SFXN5: variants seen among roughly 807,000 people sequenced by gnomAD.
SFXN5 encodes the protein sideroflexin-5.
In SFXN5, 43 loss-of-function variants were observed where a neutral mutation model predicts 50.2. That is an observed-to-expected ratio of 0.86 (90% CI 0.67 to 1.11). The LOEUF (loss-of-function observed/expected upper bound fraction) is 1.11. Among genes scored for constraint, SFXN5 ranks in the 50% least tolerant of loss-of-function variants. The probability of loss-of-function intolerance (pLI) is 0.00; values close to 1 mark genes in which losing one functional copy is unlikely to be tolerated. For synonymous variants in SFXN5, 203 were observed against 185.8 expected, an observed-to-expected ratio of 1.09 and a Z score of -0.75; for missense variants, 463 against 454.1, an observed-to-expected ratio of 1.02 and a Z score of -0.18.
At chr2:72,994,984 TG>T (rs1673041240) in intron 9 of SFXN5, 3 of 152,294 alleles carry the variant, frequency 2.0e-5, no homozygotes, top group Non-Finnish European at 2.9e-5. Flanking sequence ...GTCAGCCCTG[TG>T]TGAAGTAGGG....
chr2:73,050,972 C>CCA (rs1559206354), intron 2 of SFXN5, among the ~76,000 whole-genome samples: 1 of 152,248 alleles, frequency 6.6e-6, no homozygotes, highest in African/African-American at 2.4e-5. Flanking sequence ...GAGATTTCTG[C>CCA]CACATACCCT....
chr2:73,019,431 CTTTTTTTTT>C (rs747092987), intron 6 of SFXN5: 1 of 123,484 alleles, frequency 8.1e-6, no homozygotes, highest in Non-Finnish European at 1.7e-5. Flanking sequence ...TTTTTTTTTT[CTTTTTTTTT>C]TTTTTTGAGA....
At chr2:72,956,046 G>A (rs768197733) in intron 13 of SFXN5, among the ~76,000 whole-genome samples, 2 of 152,212 alleles carry the variant, frequency 1.3e-5, no homozygotes, top group African/African-American at 2.4e-5. Context: ...GGGGTCCTAC[G>A]TGGCCATCCT....
intron 10 of SFXN5, among the ~76,000 whole-genome samples, chr2:72,984,438 C>T (rs1224752121): frequency 6.6e-6 from 1 of 152,258 alleles, no homozygotes; most frequent in African/African-American, 2.4e-5. Context: ...GCCTCCAGGC[C>T]ACACTGCTCA....
intron 1 of SFXN5, chr2:73,070,436 GAAAAA>G (rs1161712706): frequency 6.7e-6 from 1 of 150,046 alleles, no homozygotes; most frequent in Non-Finnish European, 1.5e-5. Flanking sequence ...AACAAAAAAA[GAAAAA>G]AAAAGCCACC....
intron 9 of SFXN5, chr2:72,997,904 T>G (rs924395399): frequency 6.6e-6 from 1 of 152,112 alleles, no homozygotes; most frequent in African/African-American, 2.4e-5. Flanking sequence ...TTTGTTTTTT[T>G]AAATGGGGTC....
intron 9 of SFXN5, among the ~76,000 whole-genome samples, chr2:72,993,808 C>T (rs1350326373): frequency 6.6e-6 from 1 of 152,210 alleles, no homozygotes; most frequent in Non-Finnish European, 1.5e-5. Flanking sequence ...CCCTCCACCA[C>T]AGAGCCAGCC....
At chr2:73,039,333 G>A (rs1679329999) in intron 3 of SFXN5, among the ~76,000 whole-genome samples, 1 of 152,226 alleles carries the variant, frequency 6.6e-6, no homozygotes, top group African/African-American at 2.4e-5. Flanking sequence ...AGGGTACAGT[G>A]AGAGTGAGAG....
intron 1 of SFXN5, among the ~76,000 whole-genome samples, chr2:73,061,216 G>A (rs925732729): frequency 6.6e-6 from 1 of 151,340 alleles, no homozygotes; most frequent in African/African-American, 2.4e-5. Flanking sequence ...GCTGAAGCAG[G>A]AGAATCGCTT....
chr2:73,056,382 C>CA (rs35625459), intron 2 of SFXN5, among the ~76,000 whole-genome samples: 10,833 of 142,034 alleles, frequency 0.076, 438 homozygotes, highest in East Asian at 0.14. Flanking sequence ...GACTCTGTCT[C>CA]AAAAAAAAAA....
chr2:72,998,462 G>A lies in SFXN5; in HGVS notation c.534+487C>T, dbSNP rs144123881. 716 of 158,640 alleles carry A rather than the reference G, an allele frequency of 4.5e-3. 3 individuals are homozygous for A. Among genetic ancestry groups the A allele is most frequent in the Non-Finnish European group, 7.3e-3 (523 of 71,784 alleles). 9.8% of individuals were successfully genotyped at this position (158,640 alleles called of 1,614,324 possible). On this transcript the variant is annotated intron_variant, in intron 9 of 13. Transcript: ENST00000272433. ...GAGTGAGCCTAACGCCCCTGGCTTC[G>A]GGCACTGACAGGTCTTCAGGAAGAG...
intron 9 of SFXN5, among the ~76,000 whole-genome samples, chr2:72,993,773 G>A (rs1214566486): frequency 6.6e-6 from 1 of 152,160 alleles, no homozygotes; most frequent in African/African-American, 2.4e-5. Flanking sequence ...CCAGCCTGGA[G>A]AAGAACAGAA....
rs952731051 is a variant in SFXN5, at chr2:73,023,203, T to G, written c.261A>C (p.Ala87=). ...ACTGGATTACCTGCTTGATTTTCTG[T>G]GCACTCCAGAGCTGGAAGAGAGATA... The part of the protein sequence containing the change: ...PGVTNEQLWS[A]QKIKQAILHP... The change falls in exon 4 of 14, where the codon GCA becomes GCC. Residue 87 remains alanine, a synonymous_variant. Coordinates refer to ENST00000272433, the MANE Select transcript of SFXN5 (RefSeq NM_144579.3). 6.2e-7 allele frequency: 1 copy of G among 1,603,826 alleles called. No individual in the cohort carries two copies. The highest frequency in any genetic ancestry group is 1.7e-5 in the Admixed American group (1 of 59,078).
At position 72,946,826 on chromosome 2, in the gene SFXN5, T is replaced by C. The variant is rs75952405; in HGVS notation, c.946-1727A>G. 5.3e-5 allele frequency among the ~76,000 whole-genome samples: 8 copies of C among 152,240 alleles called. No individual in the cohort carries two copies. The East Asian group carries it at 1.4e-3, about 26-fold the overall frequency. ...TAAACTGCAAGTCTTCCCATGCCTC[T>C]CTTCACTGTGAAATGGCTCCATGGC... On this transcript the variant is annotated intron_variant, in intron 13 of 13. Coordinates refer to ENST00000272433, the MANE Select transcript of SFXN5 (RefSeq NM_144579.3).
chr2:72,982,924 C>T (rs1039061847), intron 10 of SFXN5, among the ~76,000 whole-genome samples: 2 of 152,242 alleles, frequency 1.3e-5, no homozygotes, highest in Non-Finnish European at 2.9e-5. Context: ...TCATGGCATC[C>T]AGAGGTGCCT....
At position 72,960,541 on chromosome 2, in the gene SFXN5, G is replaced by A. The variant is rs951351381; in HGVS notation, c.945+590C>T. 4.6e-5 allele frequency among the ~76,000 whole-genome samples: 7 copies of A among 152,014 alleles called. No individual in the cohort carries two copies. The highest frequency in any genetic ancestry group is 3.4e-3 in the Middle Eastern group (1 of 294). ...CTGGAGCTCTAACCCAGCCCCACGC[G>A]GCAGCACAGGGGCCGCTCAGAATCA... is the stretch of plus-strand genomic sequence containing the variant. On this transcript the variant is annotated intron_variant, in intron 13 of 13. Coordinates refer to ENST00000272433, the MANE Select transcript of SFXN5 (RefSeq NM_144579.3). The surrounding 1 kb of genome is among the most constrained non-coding windows in gnomAD (Gnocchi z 6.1).
At chr2:73,066,803 C>G (rs1380349087) in intron 1 of SFXN5, among the ~76,000 whole-genome samples, 1 of 151,816 alleles carries the variant, frequency 6.6e-6, no homozygotes, top group African/African-American at 2.4e-5. Flanking sequence ...GGGTTTGATA[C>G]CAGCCTCAGC....
chr2:72,951,297 C>T (rs1248131729), intron 13 of SFXN5, among the ~76,000 whole-genome samples: 1 of 152,188 alleles, frequency 6.6e-6, no homozygotes, highest in African/African-American at 2.4e-5. Context: ...CAACCCCGCT[C>T]AGACCTTGCT....
At chr2:73,015,477 C>T (rs953749152) in intron 6 of SFXN5, among the ~76,000 whole-genome samples, 1 of 151,144 alleles carries the variant, frequency 6.6e-6, no homozygotes, top group Non-Finnish European at 1.5e-5. Flanking sequence ...CCTTTTTTTC[C>T]TCTCTCTTTT....
Sources: gnomAD v4.1 joint callset for allele counts (sites outside exome capture counted in the v4.1 genomes callset) on GRCh38, gnomAD v4.1.1 for gene constraint, Gnocchi (gnomAD v3.1) non-coding constraint, MANE v1.5 for transcripts, NCBI Gene and HGNC (gene_info 2026-07-23, HGNC 2026-07-21) for gene names.